Variants in CAPZB observed in about 807,000 individuals in gnomAD.
The protein encoded by CAPZB is capping actin protein of muscle Z-line subunit beta, also known as F-actin-capping protein subunit beta.
A neutral mutation model predicts 38.1 loss-of-function variants in CAPZB; 2 were observed. The observed-to-expected ratio is 0.05, with a 90% CI of 0.02 to 0.17. The LOEUF is 0.17. Among genes scored for constraint, CAPZB ranks in the 10% least tolerant of loss-of-function variants. The pLI is 1.00. For missense variants in CAPZB, 161 were observed against 334.2 expected (o/e 0.48, Z 4.04); for synonymous variants, 107 against 127.4 (o/e 0.84, Z 1.08).
In CAPZB at chr1:19,413,465, C is replaced by T. The variant is rs2094366055; in HGVS notation, c.93+6196G>A. ...CCTCCCACCCCAGCTTCCTGGGTAACTGGGACCACAGGCGCATGCCACCAT... is the reference window on the plus strand; with the variant it reads ...CCTCCCACCCCAGCTTCCTGGGTAATTGGGACCACAGGCGCATGCCACCAT... On this transcript the variant is annotated intron_variant, in intron 2 of 8. Transcript: ENST00000264202. 3.9e-5 allele frequency among the ~76,000 whole-genome samples: 6 copies of T among 152,196 alleles called. No individual in the cohort carries two copies. The South Asian group carries it at 1.2e-3, about 32-fold the overall frequency.
At chr1:19,359,182 T>C (rs2094038470) in intron 4 of CAPZB, among the ~76,000 whole-genome samples, 1 of 150,574 alleles carries the variant, frequency 6.6e-6, no homozygotes, top group African/African-American at 2.5e-5. Flanking sequence ...AGAATGTGGG[T>C]GATGGGTATA....
intron 1 of CAPZB, chr1:19,484,476 G>C (rs1221269043): frequency 2.5e-5 from 36 of 1,442,928 alleles, no homozygotes; most frequent in African/African-American, 1.1e-4. Flanking sequence ...CGGCAGCCTC[G>C]AGAAGGGCCC....
chr1:19,418,463 C>T (rs1392905502), intron 2 of CAPZB, among the ~76,000 whole-genome samples: 2 of 152,192 alleles, frequency 1.3e-5, no homozygotes, highest in African/African-American at 4.8e-5. Flanking sequence ...TGGCAGGACC[C>T]TCTCTTTTTG....
At chr1:19,354,902 C>T (rs2094011798) in intron 6 of CAPZB, among the ~76,000 whole-genome samples, 1 of 152,160 alleles carries the variant, frequency 6.6e-6, no homozygotes, top group African/African-American at 2.4e-5. Flanking sequence ...GGCTGTTCCT[C>T]CCTAGCCAAT....
intron 1 of CAPZB, among the ~76,000 whole-genome samples, chr1:19,483,648 T>C (rs567167517): frequency 6.1e-4 from 93 of 152,306 alleles, no homozygotes; most frequent in Middle Eastern, 3.4e-3. Context: ...TGCCTTATAC[T>C]TTGTCCTGAG....
intron 4 of CAPZB, among the ~76,000 whole-genome samples, chr1:19,362,266 TCG>T (rs1409931152): frequency 5.3e-5 from 8 of 152,038 alleles, no homozygotes; most frequent in Non-Finnish European, 1.0e-4. Context: ...AGACAGAGTC[TCG>T]CTCTGTCGCC....
At chr1:19,429,071 A>G (rs1247631857) in intron 1 of CAPZB, among the ~76,000 whole-genome samples, 1 of 152,248 alleles carries the variant, frequency 6.6e-6, no homozygotes, top group Non-Finnish European at 1.5e-5. Context: ...AAATGATCAC[A>G]GGACAATGCA....
At chr1:19,465,531 A>C (rs1022536705) in intron 1 of CAPZB, among the ~76,000 whole-genome samples, 2 of 152,212 alleles carry the variant, frequency 1.3e-5, no homozygotes, top group Non-Finnish European at 2.9e-5. Flanking sequence ...CCTGTGACTG[A>C]ATTGCCTATT....
intron 1 of CAPZB, chr1:19,424,239 G>A (rs1265336742): frequency 1.3e-5 from 2 of 152,124 alleles, no homozygotes; most frequent in Non-Finnish European, 2.9e-5. Flanking sequence ...TTCTAGGGAA[G>A]CCATGAGGGG....
intron 1 of CAPZB, among the ~76,000 whole-genome samples, chr1:19,468,162 C>T (rs1259250568): frequency 6.6e-6 from 1 of 152,160 alleles, no homozygotes; most frequent in Non-Finnish European, 1.5e-5. Context: ...TAGACTAAGA[C>T]GCTGAAACAA....
intron 2 of CAPZB, among the ~76,000 whole-genome samples, chr1:19,391,482 C>T (rs1226083094): frequency 2.0e-5 from 3 of 152,200 alleles, no homozygotes; most frequent in African/African-American, 7.2e-5. Flanking sequence ...GAAACTGCCA[C>T]GCCAGAATGC....
rs35692222 is a variant in CAPZB at position 19,447,272 on chromosome 1, C to CTTTTTTTT, written c.4-27530_4-27523dup. 3.6e-4 allele frequency among the ~76,000 whole-genome samples: 27 copies of CTTTTTTTT among 74,880 alleles called. 1 individual carries two copies. The highest frequency in any genetic ancestry group is 1.1e-3 in the South Asian group (2 of 1,826). The allele number at this position is 74,880 out of a possible 152,430, so 49.1% of individuals were successfully genotyped here. On this transcript the variant is annotated intron_variant, in intron 1 of 8. Transcript: ENST00000264202. ...GACATTGGGCAGCACCAGACCTAAT[C>CTTTTTTTT]TTTTTTTTTTTTTTTTTTTTTTTTG...
rs2094146289 is a variant in CAPZB, at chr1:19,376,697, T to A, written c.329+1843A>T. 5.9e-5 allele frequency among the ~76,000 whole-genome samples: 9 copies of A among 152,368 alleles called. 1 individual carries two copies. In the South Asian group the frequency reaches 1.9e-3, roughly 32 times the overall value. ...TCACTAGCAGCAATGACTTGTTCAC[T>A]GGTCCACTGTTTGTTTTTCCACAAT... On this transcript the variant is annotated intron_variant, in intron 4 of 8. Transcript: ENST00000264202.
chr1:19,438,912 A>G (rs1303884373), intron 1 of CAPZB, among the ~76,000 whole-genome samples: 1 of 152,238 alleles, frequency 6.6e-6, no homozygotes, highest in African/African-American at 2.4e-5. Flanking sequence ...CTGATAGAGG[A>G]AAGTGGCTTA....
chr1:19,359,399 C>T (rs1251626017), intron 4 of CAPZB, among the ~76,000 whole-genome samples: 9 of 152,124 alleles, frequency 5.9e-5, no homozygotes, highest in Admixed American at 5.9e-4. Context: ...CACTCCAACC[C>T]GCAGACCTGC....
At chr1:19,457,538 A>G (rs1455372012) in intron 1 of CAPZB, among the ~76,000 whole-genome samples, 1 of 152,222 alleles carries the variant, frequency 6.6e-6, no homozygotes, top group East Asian at 1.9e-4. Context: ...ATGACATTGC[A>G]ACCCGCAAAC....
chr1:19,419,177 C>T (rs560062048), intron 2 of CAPZB, among the ~76,000 whole-genome samples: 3 of 152,142 alleles, frequency 2.0e-5, no homozygotes, highest in Admixed American at 6.5e-5. Flanking sequence ...CTAGATGTGA[C>T]GGGCCCTTTA....
chr1:19,471,865 CAAAAAAAAA>C (rs59289947), intron 1 of CAPZB, among the ~76,000 whole-genome samples: 3 of 134,476 alleles, frequency 2.2e-5, no homozygotes, highest in African/African-American at 8.9e-5. Context: ...GACTCCGTCT[CAAAAAAAAA>C]AAAAAAAAAA....
chr1:19,434,577 T>C (rs996056075), intron 1 of CAPZB, among the ~76,000 whole-genome samples: 14 of 144,874 alleles, frequency 9.7e-5, no homozygotes, highest in African/African-American at 3.6e-4. Flanking sequence ...GTTAAAAAAA[T>C]ACAAAACAGG....
Sources: gnomAD v4.1 joint callset for allele counts (sites outside exome capture counted in the v4.1 genomes callset) on GRCh38, gnomAD v4.1.1 for gene constraint, MANE v1.5 for transcripts, NCBI Gene and HGNC (gene_info 2026-07-23, HGNC 2026-07-21) for gene names.